Variants in DSCAM observed in about 807,000 individuals in gnomAD.
DSCAM encodes the protein cell adhesion molecule DSCAM.
Under a neutral mutation model 217.7 loss-of-function variants are expected in DSCAM, and 47 were observed. The observed-to-expected ratio is 0.22, with a 90% CI of 0.17 to 0.28. The LOEUF (loss-of-function observed/expected upper bound fraction) is 0.28, where lower values mean the gene tolerates loss of function less well. DSCAM is among the 10% of genes least tolerant of loss of function. DSCAM has a pLI of 1.00. For missense variants in DSCAM, 2,080 were observed against 2,618.3 expected, an observed-to-expected ratio of 0.79 and a Z score of 4.49; for synonymous variants, 1,056 against 1,015.3, an observed-to-expected ratio of 1.04 and a Z score of -0.76.
intron 16 of DSCAM, among the ~76,000 whole-genome samples, chr21:40,150,052 T>C (rs545543373): frequency 6.6e-6 from 1 of 152,374 alleles, no homozygotes; most frequent in Non-Finnish European, 1.5e-5. Context: ...ACACTGTTTT[T>C]TCCCATTGTA....
chr21:40,165,804 A>C lies in DSCAM; in HGVS notation c.3018+1414T>G, dbSNP rs551771557. Among the ~76,000 whole-genome samples the C allele has an allele frequency of 4.3e-4, 66 of 152,302 alleles. 3 individuals are homozygous for C. In the South Asian group the frequency reaches 0.013, roughly 30 times the overall value. On this transcript the variant is annotated intron_variant, in intron 16 of 32. Coordinates refer to ENST00000400454, the MANE Select transcript of DSCAM (RefSeq NM_001389.5). ...TAGTGGGTAAAACTTCACAGTCTTC[A>C]ATTCAAGACAGAGTGAGTCAGCATT...
At chr21:40,300,297 A>G (rs1366350146) in intron 9 of DSCAM, among the ~76,000 whole-genome samples, 5 of 152,224 alleles carry the variant, frequency 3.3e-5, no homozygotes, top group Non-Finnish European at 7.3e-5. Context: ...TCCTCAAAAA[A>G]GAAAAATGGA....
intron 28 of DSCAM, among the ~76,000 whole-genome samples, chr21:40,061,276 AT>A (rs2089115153): frequency 6.6e-6 from 1 of 152,176 alleles, no homozygotes; most frequent in Non-Finnish European, 1.5e-5. Flanking sequence ...CAACAAATGT[AT>A]TTTAGAGTTA....
rs1258961317 is a variant in DSCAM, at chr21:40,390,707, C to A, written c.509-21462G>T. 4.6e-5 allele frequency among the ~76,000 whole-genome samples: 7 copies of A among 151,462 alleles called. No homozygotes were observed. The East Asian group carries it at 9.8e-4, about 21-fold the overall frequency. On this transcript the variant is annotated intron_variant, in intron 3 of 32. Coordinates refer to ENST00000400454, the MANE Select transcript of DSCAM (RefSeq NM_001389.5). ...GGCAGCGTAATTCCAATCTCCACCT[C>A]TATCTTCACATGGCCATGTTCTCTC... is the stretch of plus-strand genomic sequence containing the variant.
chr21:40,800,712 TTTC>T (rs1049548558), intron 1 of DSCAM, among the ~76,000 whole-genome samples: 4 of 137,874 alleles, frequency 2.9e-5, no homozygotes, highest in African/African-American at 1.2e-4. Flanking sequence ...TCTTTCTTAC[TTTC>T]TTTTTTTTTT....
chr21:40,476,662 G>A (rs2075938791), intron 3 of DSCAM, among the ~76,000 whole-genome samples: 3 of 152,118 alleles, frequency 2.0e-5, no homozygotes, highest in Admixed American at 2.0e-4. Flanking sequence ...AGTTTTGGGG[G>A]AAAGAATTTA....
chr21:40,764,086 T>A (rs1364217191), intron 1 of DSCAM, among the ~76,000 whole-genome samples: 1 of 152,116 alleles, frequency 6.6e-6, no homozygotes. Flanking sequence ...AAAGCCAAAA[T>A]TGACAAATGG....
At chr21:40,072,513 A>AT (rs1198528927) in intron 27 of DSCAM, among the ~76,000 whole-genome samples, 22 of 151,586 alleles carry the variant, frequency 1.5e-4, no homozygotes, top group African/African-American at 3.9e-4. Context: ...CCCCCGGCTA[A>AT]TTTTTTTTGT....
At chr21:40,276,660 A>G (rs2073691688) in intron 10 of DSCAM, among the ~76,000 whole-genome samples, 1 of 152,204 alleles carries the variant, frequency 6.6e-6, no homozygotes, top group South Asian at 2.1e-4. Flanking sequence ...ATATGAATGT[A>G]AACAAGGAGT....
At chr21:40,454,470 A>G (rs1185427375) in intron 3 of DSCAM, among the ~76,000 whole-genome samples, 2 of 152,238 alleles carry the variant, frequency 1.3e-5, no homozygotes, top group South Asian at 4.1e-4. Context: ...TAAAAAATGT[A>G]TGACTAAAGC....
intron 14 of DSCAM, among the ~76,000 whole-genome samples, chr21:40,181,813 T>C (rs546976259): frequency 1.8e-4 from 28 of 152,112 alleles, no homozygotes; most frequent in African/African-American, 5.1e-4. Flanking sequence ...TGTGGGTTTG[T>C]AGGAAGACTG....
At chr21:40,715,651 C>A (rs934936900) in intron 1 of DSCAM, among the ~76,000 whole-genome samples, 1 of 152,134 alleles carries the variant, frequency 6.6e-6, no homozygotes, top group Non-Finnish European at 1.5e-5. Context: ...TAGTTCAACA[C>A]GGCAGTTTTC....
intron 3 of DSCAM, among the ~76,000 whole-genome samples, chr21:40,435,080 G>A (rs568574179): frequency 3.3e-5 from 5 of 152,208 alleles, no homozygotes; most frequent in African/African-American, 1.2e-4. Flanking sequence ...GTAGGGAGCG[G>A]ACAAGATCTC....
intron 9 of DSCAM, among the ~76,000 whole-genome samples, chr21:40,307,653 A>G (rs2074093870): frequency 6.6e-6 from 1 of 152,174 alleles, no homozygotes; most frequent in East Asian, 1.9e-4. Flanking sequence ...TTGAGGCACT[A>G]TTCACAATAG....
At chr21:40,377,628 C>T (rs2074976206) in intron 3 of DSCAM, among the ~76,000 whole-genome samples, 1 of 151,716 alleles carries the variant, frequency 6.6e-6, no homozygotes, top group Non-Finnish European at 1.5e-5. Context: ...GCAGACAGGG[C>T]GTTGGAGACC....
intron 3 of DSCAM, among the ~76,000 whole-genome samples, chr21:40,475,284 C>T (rs940825905): frequency 6.6e-6 from 1 of 152,218 alleles, no homozygotes; most frequent in African/African-American, 2.4e-5. Context: ...CAGTGCCCTT[C>T]AGAAGGACAC....
chr21:40,579,208 T>C (rs967122088), intron 3 of DSCAM, among the ~76,000 whole-genome samples: 3 of 151,712 alleles, frequency 2.0e-5, no homozygotes, highest in Non-Finnish European at 4.4e-5. Flanking sequence ...AAAGCAACAA[T>C]ACATATGAAG....
intron 3 of DSCAM, among the ~76,000 whole-genome samples, chr21:40,669,739 T>A (rs9983780): frequency 6.6e-6 from 1 of 151,742 alleles, no homozygotes; most frequent in Non-Finnish European, 1.5e-5. Flanking sequence ...CCACCACGCC[T>A]GGTTAATTTC....
chr21:40,052,186 G>T (rs2088943974), intron 29 of DSCAM, 79 bp from the exon 30 acceptor site: 2 of 1,503,804 alleles, frequency 1.3e-6, no homozygotes, highest in African/African-American at 1.4e-5. Flanking sequence ...CTCTCCTGAG[G>T]CACTTGTGTT....
Sources: allele counts gnomAD v4.1 joint callset (sites outside exome capture counted in the v4.1 genomes callset), GRCh38; gene constraint gnomAD v4.1.1; transcripts MANE v1.5; gene names NCBI Gene and HGNC (gene_info 2026-07-23, HGNC 2026-07-21).